Variants in NRG1 observed in about 807,000 individuals in gnomAD.
The protein encoded by NRG1 is neuregulin 1.
A neutral mutation model predicts 63.8 loss-of-function variants in NRG1; 18 were observed. The observed-to-expected ratio is 0.28, with a 90% CI of 0.19 to 0.42. The LOEUF is 0.42. Ranked by LOEUF, NRG1 falls within the 10% of genes least tolerant of loss-of-function variation. The pLI, the probability that NRG1 is intolerant of heterozygous loss-of-function variation, is 1.00. For synonymous variants in NRG1, 302 were observed against 301.3 expected, an observed-to-expected ratio of 1.00 and a Z score of -0.02; for missense variants, 762 against 814.7, an observed-to-expected ratio of 0.94 and a Z score of 0.79.
rs184604707 is a variant in NRG1 at position 31,877,433 on chromosome 8, T to C, written c.37+238002T>C. Among the ~76,000 whole-genome samples the C allele has an allele frequency of 8.0e-4, 122 of 152,044 alleles. No individual in the cohort carries two copies. The Middle Eastern group carries it at 0.034, about 42-fold the overall frequency. ...TTTATGTTCTGTATATATTCTGTTCTTTTGGTTATCTCTCTCTCTCTGTCT... is the reference window on the plus strand; with the variant it reads ...TTTATGTTCTGTATATATTCTGTTCCTTTGGTTATCTCTCTCTCTCTGTCT... On this transcript the variant is annotated intron_variant, in intron 1 of 10. Coordinates refer to the NRG1 transcript ENST00000519301.
At chr8:31,997,350 A>G (rs1586359888) in intron 1 of NRG1, among the ~76,000 whole-genome samples, 1 of 151,920 alleles carries the variant, frequency 6.6e-6, no homozygotes, top group African/African-American at 2.4e-5. Flanking sequence ...TTAATAGTAG[A>G]AGTAACAGCA....
chr8:32,524,586 A>C (rs1459185312), intron 1 of NRG1, among the ~76,000 whole-genome samples: 1 of 152,094 alleles, frequency 6.6e-6, no homozygotes, highest in Non-Finnish European at 1.5e-5. Flanking sequence ...TTGCCAGATG[A>C]ACAGCCTGTT....
In NRG1 at chr8:31,640,057, C is replaced by T; in HGVS notation, c.37+626C>T. The T allele has an allele frequency of 8.8e-7, 1 of 1,138,986 alleles. No individual in the cohort carries two copies. The highest frequency in any genetic ancestry group is 1.1e-6 in the Non-Finnish European group (1 of 929,990). The allele number at this position is 1,138,986 out of a possible 1,614,324, so 70.6% of individuals were successfully genotyped here. A position where few individuals can be genotyped will look rare whatever the true frequency, so the allele number is the denominator to read the frequency against. ...GGCCCAGCGCCCCGGCTCCGCCGCC[C>T]GCTCGTCGCCGCCGCTGCCGCTGCT... is the stretch of plus-strand genomic sequence containing the variant. On this transcript the variant is annotated intron_variant, in intron 1 of 10. Coordinates refer to the NRG1 transcript ENST00000519301. The surrounding 1 kb of genome is among the most constrained non-coding windows in gnomAD (Gnocchi z 6.3).
At chr8:32,508,651 C>T (rs1399522999) in intron 1 of NRG1, among the ~76,000 whole-genome samples, 2 of 151,850 alleles carry the variant, frequency 1.3e-5, no homozygotes, top group Non-Finnish European at 2.9e-5. Flanking sequence ...AGTTGTCATT[C>T]TGATATGTAG....
At chr8:32,457,368 A>G (rs1821733246) in intron 1 of NRG1, among the ~76,000 whole-genome samples, 1 of 152,082 alleles carries the variant, frequency 6.6e-6, no homozygotes, top group African/African-American at 2.4e-5. Flanking sequence ...CTTTTCTGTA[A>G]AGTGCTTTCA....
chr8:32,044,586 A>T (rs998543309), intron 1 of NRG1, among the ~76,000 whole-genome samples: 1 of 151,818 alleles, frequency 6.6e-6, no homozygotes, highest in East Asian at 1.9e-4. Context: ...TGGCAAGTTC[A>T]TGGAATTGAA....
In NRG1 at chr8:32,352,978, A is replaced by G. The variant is rs189124834; in HGVS notation, c.38-242850A>G. On this transcript the variant is annotated intron_variant, in intron 1 of 10. Transcript: ENST00000519301. Reference sequence around the variant, plus strand: ...TATATATATACAGAGAGAGAGAGACAGAGAGAGAGTAAAGATCTCATTTCC... The same window carrying G: ...TATATATATACAGAGAGAGAGAGACGGAGAGAGAGTAAAGATCTCATTTCC... 1.4e-3 allele frequency among the ~76,000 whole-genome samples: 206 copies of G among 150,484 alleles called. 2 individuals carry two copies. The highest frequency in any genetic ancestry group is 4.8e-3 in the African/African-American group (198 of 41,276).
chr8:31,981,755 G>A (rs564128691), intron 1 of NRG1, among the ~76,000 whole-genome samples: 1 of 151,888 alleles, frequency 6.6e-6, no homozygotes, highest in Non-Finnish European at 1.5e-5. Context: ...CATGAAGCTT[G>A]CAGCCCTCTG....
chr8:32,293,104 A>AAATAT (rs1395878515), intron 1 of NRG1, among the ~76,000 whole-genome samples: 2 of 135,482 alleles, frequency 1.5e-5, no homozygotes, highest in Non-Finnish European at 3.3e-5. Context: ...ACTACGTCTA[A>AAATAT]AATATAAAAT....
At chr8:31,840,131 C>T (rs772082100) in intron 1 of NRG1, among the ~76,000 whole-genome samples, 25 of 152,048 alleles carry the variant, frequency 1.6e-4, no homozygotes, top group Non-Finnish European at 2.6e-4. Context: ...AAACAATTTA[C>T]GAAAATGTAT....
intron 1 of NRG1, among the ~76,000 whole-genome samples, chr8:31,691,126 C>T (rs767426145): frequency 6.6e-6 from 1 of 152,142 alleles, no homozygotes; most frequent in South Asian, 2.1e-4. Flanking sequence ...CCCTCTGCAC[C>T]CTTTTTGACA....
intron 1 of NRG1, among the ~76,000 whole-genome samples, chr8:32,186,500 A>G (rs1008010274): frequency 3.3e-5 from 5 of 152,016 alleles, no homozygotes; most frequent in South Asian, 2.1e-4. Context: ...AAAAGAAAAA[A>G]AAAGAAAGAA....
At position 32,568,707 on chromosome 8, in the gene NRG1, G is replaced by T. The variant is rs564507304; in HGVS notation, c.100+19881G>T. Among the ~76,000 whole-genome samples, 5 of 152,284 alleles carry T rather than the reference G, an allele frequency of 3.3e-5. No individual in the cohort carries two copies. In the South Asian group the frequency reaches 1.0e-3, roughly 32 times the overall value. On this transcript the variant is annotated intron_variant, in intron 1 of 11. Coordinates refer to ENST00000356819, the Ensembl canonical transcript of NRG1. ...ATTCTAATGTTCGCCAAAGTTTTAG[G>T]ATCATGCCTGCAGAGAATCCTGCTC... is the stretch of plus-strand genomic sequence containing the variant.
intron 1 of NRG1, among the ~76,000 whole-genome samples, chr8:31,947,306 C>CAAAAAAAAAAAAAAAAAAAAAAAA (rs61713691): frequency 7.5e-6 from 1 of 132,676 alleles, no homozygotes; most frequent in African/African-American, 3.2e-5. Flanking sequence ...GACTCCGTCT[C>CAAAAAAAAAAAAAAAAAAAAAAAA]AAAAAAAAAA....
chr8:31,764,285 A>G (rs1414606143), intron 1 of NRG1, among the ~76,000 whole-genome samples: 3 of 152,168 alleles, frequency 2.0e-5, no homozygotes, highest in African/African-American at 7.2e-5. Flanking sequence ...TTGCAAAACT[A>G]TAATACAATA....
chr8:32,654,938 G>A (rs1227997235), intron 5 of NRG1, among the ~76,000 whole-genome samples: 1 of 152,106 alleles, frequency 6.6e-6, no homozygotes, highest in East Asian at 1.9e-4. Context: ...GGGTAGACTT[G>A]ACTTTCAATC....
At chr8:32,375,223 CCA>C (rs1178089121) in intron 1 of NRG1, among the ~76,000 whole-genome samples, 1 of 151,952 alleles carries the variant, frequency 6.6e-6, no homozygotes, top group East Asian at 1.9e-4. Flanking sequence ...AGCAATCCCC[CCA>C]CCTTGGCTCC....
Position 31,640,803 on chromosome 8 carries a change from C to A in NRG1, c.37+1372C>A. 2 of 1,430,536 alleles carry A rather than the reference C, an allele frequency of 1.4e-6. No homozygotes were observed. The highest frequency in any genetic ancestry group is 1.5e-5 in the South Asian group (1 of 65,758). 88.6% of individuals were successfully genotyped at this position (1,430,536 alleles called of 1,614,324 possible). On this transcript the variant is annotated intron_variant, in intron 1 of 10. Coordinates refer to the NRG1 transcript ENST00000519301. The surrounding 1 kb of genome is among the most constrained non-coding windows in gnomAD (Gnocchi z 6.3). ...TCCCGGGCGCGCGGGCAGCGGGGCT[C>A]GACGGCCGCCCGAGCAAGGCAGAGG... is the stretch of plus-strand genomic sequence containing the variant.
At chr8:32,190,566 A>C (rs547177930) in intron 1 of NRG1, among the ~76,000 whole-genome samples, 2 of 152,296 alleles carry the variant, frequency 1.3e-5, no homozygotes, top group South Asian at 4.1e-4. Context: ...AGCAATCTTC[A>C]AACTCCTATA....
Sources: gnomAD v4.1 joint callset for allele counts (sites outside exome capture counted in the v4.1 genomes callset) on GRCh38, gnomAD v4.1.1 for gene constraint, Gnocchi (gnomAD v3.1) non-coding constraint, MANE v1.5 for transcripts, NCBI Gene and HGNC (gene_info 2026-07-23, HGNC 2026-07-21) for gene names.